CELSR1: variants seen among roughly 807,000 people sequenced by gnomAD.
CELSR1 encodes cadherin EGF LAG seven-pass G-type receptor 1, also known as adhesion G protein-coupled receptor C1.
CELSR1 carries 110 observed loss-of-function variants against 249.1 expected under a neutral mutation model. The observed-to-expected ratio is 0.44, with a 90% CI of 0.38 to 0.52. CELSR1 has a LOEUF of 0.52. Among genes scored for constraint, CELSR1 ranks in the 20% least tolerant of loss-of-function variants. The pLI, the probability that CELSR1 is intolerant of heterozygous loss-of-function variation, is 0.00. For missense variants in CELSR1, 4,109 were observed against 4,296.4 expected (o/e 0.96, Z 1.22); for synonymous variants, 2,113 against 1,900.0 (o/e 1.11, Z -2.92).
chr22:46,533,175 C>A (rs971498687), intron 1 of CELSR1, among the ~76,000 whole-genome samples: 1 of 152,222 alleles, frequency 6.6e-6, no homozygotes, highest in Admixed American at 6.5e-5. Context: ...AGGGACCCAT[C>A]TGACAATTCC....
In CELSR1 at chr22:46,446,198, A is replaced by G. The variant is rs113033200; in HGVS notation, c.4184-6787T>C. Among the ~76,000 whole-genome samples the G allele has an allele frequency of 1.8e-4, 27 of 152,020 alleles. No individual in the cohort carries two copies. The highest frequency in any genetic ancestry group is 8.5e-4 in the Admixed American group (13 of 15,258). Reference sequence around the variant, plus strand: ...CTCCCTCCTCCCAGGGCAGCTACAGATGGCCCTGTGCGTACACTGCAGGCC... The same window carrying G: ...CTCCCTCCTCCCAGGGCAGCTACAGGTGGCCCTGTGCGTACACTGCAGGCC... On this transcript the variant is annotated intron_variant, in intron 2 of 34. Coordinates refer to ENST00000674500, the MANE Select transcript of CELSR1 (RefSeq NM_001378328.1). This position sits in a 1 kb window ranked among gnomAD's most constrained non-coding sequence, Gnocchi z 5.5.
intron 1 of CELSR1, among the ~76,000 whole-genome samples, chr22:46,474,371 G>A (rs2080185593): frequency 1.3e-5 from 2 of 151,914 alleles, no homozygotes; most frequent in South Asian, 4.2e-4. Flanking sequence ...CCATCCCCTC[G>A]GGCTGCTGCA....
intron 2 of CELSR1, among the ~76,000 whole-genome samples, chr22:46,453,788 G>A (rs1342892650): frequency 2.0e-5 from 3 of 152,190 alleles, no homozygotes; most frequent in Non-Finnish European, 2.9e-5. Flanking sequence ...AAACAGCAGA[G>A]ACTGCCAGAC....
At position 46,525,799 on chromosome 22, in the gene CELSR1, C is replaced by T. The variant is rs145450249; in HGVS notation, c.3544+7828G>A. On this transcript the variant is annotated intron_variant, in intron 1 of 34. Transcript: ENST00000674500. ...CTATCCCCTTCCTCAACAGGTTCTG[C>T]TATCGGGTTTCAAAATGTGCAGGCA... Among the ~76,000 whole-genome samples, 739 of 152,356 alleles carry T rather than the reference C, an allele frequency of 4.9e-3. 6 individuals are homozygous for T. The highest frequency in any genetic ancestry group is 6.0e-3 in the Non-Finnish European group (411 of 68,030).
At chr22:46,463,256 C>T (rs2080053027) in intron 2 of CELSR1, among the ~76,000 whole-genome samples, 1 of 152,214 alleles carries the variant, frequency 6.6e-6, no homozygotes, top group African/African-American at 2.4e-5. Flanking sequence ...TGGCTCACGC[C>T]TGTAATCCCT....
rs1487330684 is a variant in CELSR1, at chr22:46,481,283, AT to A, written c.3545-16939del. 7 of 497,332 alleles carry A rather than the reference AT, an allele frequency of 1.4e-5. No homozygotes were observed. The Admixed American group carries it at 2.1e-4, about 15-fold the overall frequency. The allele number at this position is 497,332 out of a possible 1,614,324, so 30.8% of individuals were successfully genotyped here. A position where few individuals can be genotyped will look rare whatever the true frequency, so the allele number is the denominator to read the frequency against. On this transcript the variant is annotated intron_variant, in intron 1 of 34. Coordinates refer to ENST00000674500, the MANE Select transcript of CELSR1 (RefSeq NM_001378328.1). ...TAAAATTCCCAATTCCTTATAAAAA[AT>A]ACATTATTGCCCTCAGCCCCGATGG...
intron 2 of CELSR1, among the ~76,000 whole-genome samples, chr22:46,458,795 T>C (rs377265769): frequency 5.3e-5 from 8 of 152,212 alleles, no homozygotes; most frequent in African/African-American, 1.9e-4. Flanking sequence ...ACCTCCTGGG[T>C]TGTCACAGAT....
rs553787223 is a variant in CELSR1 at position 46,511,415 on chromosome 22, C to A, written c.3544+22212G>T. The stretch of plus-strand genomic sequence containing the variant: ...GCCCTTAAATCCCAACCGGGACCAA[C>A]ACGTGTGTCAAAGCATCGCTCCAAA... On this transcript the variant is annotated intron_variant, in intron 1 of 34. Coordinates refer to ENST00000674500, the MANE Select transcript of CELSR1 (RefSeq NM_001378328.1). 2.0e-5 allele frequency among the ~76,000 whole-genome samples: 3 copies of A among 152,236 alleles called. No homozygotes were observed. The South Asian group carries it at 6.2e-4, about 31-fold the overall frequency.
chr22:46,506,259 A>G lies in CELSR1; in HGVS notation c.3544+27368T>C, dbSNP rs1012308406. On this transcript the variant is annotated intron_variant, in intron 1 of 34. Transcript: ENST00000674500. The surrounding 1 kb of genome is among the most constrained non-coding windows in gnomAD (Gnocchi z 4.1). ...ACGGATTGCTGGGTTCTGGATGGAC[A>G]TGCAGAGCACCCGCCATGATCCCTC... is the stretch of plus-strand genomic sequence containing the variant. Among the ~76,000 whole-genome samples the G allele has an allele frequency of 6.6e-6, 1 of 152,012 alleles. No homozygotes were observed. Among genetic ancestry groups the G allele is most frequent in the Non-Finnish European group, 1.5e-5 (1 of 67,984 alleles).
In CELSR1 at chr22:46,411,758, G is replaced by A. The variant is rs1455765188; in HGVS notation, c.4613C>T (p.Pro1538Leu). 2 of 1,614,060 alleles carry A rather than the reference G, an allele frequency of 1.2e-6. No homozygotes were observed. Among genetic ancestry groups the A allele is most frequent in the Admixed American group, 3.3e-5 (2 of 60,032 alleles). Residue 1538 changes from proline (P) to leucine (L), a missense_variant and splice_region_variant, in exon 6 of 35, where the codon CCC (proline) becomes CTC (leucine). Around this residue, in one of 7 missense-constraint regions of CELSR1, gnomAD observed 453 missense variants for 492.0 expected, o/e 0.92. Transcript: ENST00000674500. This position sits in a 1 kb window ranked among gnomAD's most constrained non-coding sequence, Gnocchi z 4.2. ...HSVQVQYYNK[P>L]NIGHLGLPHG... ...GGGCAGGCCCAGGTGGCCAATATTGGGCTGTAAGAAGAGAAAGCACAGAAG... is the reference window on the plus strand; with the variant it reads ...GGGCAGGCCCAGGTGGCCAATATTGAGCTGTAAGAAGAGAAAGCACAGAAG...
intron 1 of CELSR1, among the ~76,000 whole-genome samples, chr22:46,509,798 G>A (rs2080554111): frequency 3.3e-5 from 5 of 152,272 alleles, no homozygotes; most frequent in Admixed American, 3.3e-4. Flanking sequence ...GGTCAACAGG[G>A]TAGCAGGTGC....
Position 46,411,465 on chromosome 22 carries a change from G to T in CELSR1, c.4769+137C>A. On this transcript the variant is annotated intron_variant, in intron 6 of 34. Coordinates refer to ENST00000674500, the MANE Select transcript of CELSR1 (RefSeq NM_001378328.1). The surrounding 1 kb of genome is among the most constrained non-coding windows in gnomAD (Gnocchi z 4.2). ...AAGGTGCCCCAACCATGGACAGGAT[G>T]TCTGACTCTAGCCTGGAATGAGGTC... 1 of 953,608 alleles carries T rather than the reference G, an allele frequency of 1.0e-6. No individual in the cohort carries two copies. Among genetic ancestry groups the T allele is most frequent in the Non-Finnish European group, 1.5e-6 (1 of 651,268 alleles). The allele number at this position is 953,608 out of a possible 1,614,324, so 59.1% of individuals were successfully genotyped here. A position where few individuals can be genotyped will look rare whatever the true frequency, so the allele number is the denominator to read the frequency against.
intron 24 of CELSR1, 48 bp downstream of exon 24, chr22:46,377,013 C>T: frequency 6.3e-7 from 1 of 1,592,930 alleles, no homozygotes; most frequent in East Asian, 2.2e-5. Flanking sequence ...ATGGTAGCTG[C>T]TCCAAGCTGC....
chr22:46,458,018 C>T (rs1056182617), intron 2 of CELSR1, among the ~76,000 whole-genome samples: 10 of 152,194 alleles, frequency 6.6e-5, no homozygotes, highest in South Asian at 6.2e-4. Flanking sequence ...TTCTGTTGGG[C>T]GGAGGACGCT....
rs7288959 is a variant in CELSR1, at chr22:46,409,584, G to C, written c.5059+171C>G. On this transcript the variant is annotated intron_variant, in intron 8 of 34. Coordinates refer to ENST00000674500, the MANE Select transcript of CELSR1 (RefSeq NM_001378328.1). The surrounding 1 kb of genome is among the most constrained non-coding windows in gnomAD (Gnocchi z 9.8). Reference sequence around the variant, plus strand: ...CCAGAAGCAGGAGCAGGGGCTCTGCGGAGGACAGTCTCTTGGAGAGGGCGG... The same window carrying C: ...CCAGAAGCAGGAGCAGGGGCTCTGCCGAGGACAGTCTCTTGGAGAGGGCGG... 3.3e-5 allele frequency among the ~76,000 whole-genome samples: 5 copies of C among 152,078 alleles called. No individual in the cohort carries two copies. The highest frequency in any genetic ancestry group is 1.2e-4 in the African/African-American group (5 of 41,380).
In CELSR1 at chr22:46,473,610, G is replaced by A. The variant is rs1274117368; in HGVS notation, c.3545-9265C>T. ...TTAGGGCAGCCCATGATGCCCTCGG[G>A]GTCCAGAGTCATTCCCCGTGGCCGG... On this transcript the variant is annotated intron_variant, in intron 1 of 34. Coordinates refer to ENST00000674500, the MANE Select transcript of CELSR1 (RefSeq NM_001378328.1). This position sits in a 1 kb window ranked among gnomAD's most constrained non-coding sequence, Gnocchi z 6.6. Among the ~76,000 whole-genome samples the A allele has an allele frequency of 6.6e-6, 1 of 152,162 alleles. No individual in the cohort carries two copies. The highest frequency in any genetic ancestry group is 2.1e-4 in the South Asian group (1 of 4,826).
chr22:46,512,497 G>A lies in CELSR1; in HGVS notation c.3544+21130C>T, dbSNP rs1050372479. Among the ~76,000 whole-genome samples, 1 of 151,282 alleles carries A rather than the reference G, an allele frequency of 6.6e-6. No homozygotes were observed. Among genetic ancestry groups the A allele is most frequent in the Non-Finnish European group, 1.5e-5 (1 of 67,806 alleles). On this transcript the variant is annotated intron_variant, in intron 1 of 34. Coordinates refer to ENST00000674500, the MANE Select transcript of CELSR1 (RefSeq NM_001378328.1). The surrounding 1 kb of genome is among the most constrained non-coding windows in gnomAD (Gnocchi z 5.2). Reference sequence around the variant, plus strand: ...TGAGGCACGAGAATTGCTTGAACCCGGGAGGCGGAGGTTTCAGTGAGCCGA... The same window carrying A: ...TGAGGCACGAGAATTGCTTGAACCCAGGAGGCGGAGGTTTCAGTGAGCCGA...
intron 20 of CELSR1, among the ~76,000 whole-genome samples, chr22:46,384,075 C>T (rs979432189): frequency 6.6e-6 from 1 of 152,052 alleles, no homozygotes; most frequent in Non-Finnish European, 1.5e-5. Context: ...GCTGGGATTA[C>T]AGGCGCCCGC....
intron 1 of CELSR1, among the ~76,000 whole-genome samples, chr22:46,505,646 AAATT>A (rs1422871296): frequency 1.3e-5 from 2 of 152,136 alleles, no homozygotes; most frequent in African/African-American, 2.4e-5. Flanking sequence ...GTCTCAAAAT[AAATT>A]AATAAATAAA....
Sources: allele counts gnomAD v4.1 joint callset (sites outside exome capture counted in the v4.1 genomes callset), GRCh38; gene constraint gnomAD v4.1.1; regional missense constraint gnomAD v4.1.1; non-coding constraint Gnocchi (gnomAD v3.1); transcripts MANE v1.5; gene names NCBI Gene and HGNC (gene_info 2026-07-23, HGNC 2026-07-21).